Variants in TRPM3 observed in about 807,000 individuals in gnomAD.
TRPM3 encodes the protein long transient receptor potential channel 3.
TRPM3 carries 77 observed loss-of-function variants against 181.2 expected under a neutral mutation model. That is an observed-to-expected ratio of 0.42 (90% CI 0.35 to 0.51). TRPM3 has a LOEUF of 0.51. Among genes scored for constraint, TRPM3 ranks in the 20% least tolerant of loss-of-function variants. The pLI, the probability that TRPM3 is intolerant of heterozygous loss-of-function variation, is 0.01. For synonymous variants in TRPM3, 745 were observed against 796.4 expected, an observed-to-expected ratio of 0.94 and a Z score of 1.09; for missense variants, 1,759 against 2,196.7, an observed-to-expected ratio of 0.80 and a Z score of 3.98.
intron 1 of TRPM3, among the ~76,000 whole-genome samples, chr9:71,037,547 C>T (rs2058355582): frequency 6.6e-6 from 1 of 152,212 alleles, no homozygotes; most frequent in Non-Finnish European, 1.5e-5. Flanking sequence ...GTGTGCGCAT[C>T]CTTTGCCCAT....
At chr9:71,420,767 AAGAG>A (rs1191759849) in intron 1 of TRPM3, among the ~76,000 whole-genome samples, 2 of 66,454 alleles carry the variant, frequency 3.0e-5, no homozygotes, top group African/African-American at 6.0e-5. Flanking sequence ...AAGAGAGAGA[AAGAG>A]AGAGAAAGAG....
At chr9:71,386,161 T>C (rs1231301418) in intron 1 of TRPM3, among the ~76,000 whole-genome samples, 1 of 151,606 alleles carries the variant, frequency 6.6e-6, no homozygotes, top group Non-Finnish European at 1.5e-5. Flanking sequence ...CTTAAAACAG[T>C]GAATACAAGC....
intron 1 of TRPM3, among the ~76,000 whole-genome samples, chr9:71,308,393 C>G (rs1316571582): frequency 6.6e-6 from 1 of 152,066 alleles, no homozygotes; most frequent in Non-Finnish European, 1.5e-5. Context: ...GGAAGATTAA[C>G]AGGGTTGTTT....
At chr9:71,330,901 AG>A (rs1227939335) in intron 1 of TRPM3, among the ~76,000 whole-genome samples, 1 of 151,784 alleles carries the variant, frequency 6.6e-6, no homozygotes, top group Non-Finnish European at 1.5e-5. Context: ...CAGCTGATAG[AG>A]TGCTGATCTG....
At chr9:71,100,099 T>C (rs546423299) in intron 1 of TRPM3, among the ~76,000 whole-genome samples, 48 of 152,304 alleles carry the variant, frequency 3.2e-4, no homozygotes, top group African/African-American at 1.1e-3. Flanking sequence ...TATATTTCTG[T>C]TTCATCATGT....
At chr9:70,626,476 C>A (rs1459605838) in intron 12 of TRPM3, among the ~76,000 whole-genome samples, 9 of 152,112 alleles carry the variant, frequency 5.9e-5, no homozygotes, top group Non-Finnish European at 1.0e-4. Flanking sequence ...GAGATTTCTG[C>A]CACTTCACAG....
In TRPM3 at chr9:70,847,768, A is replaced by C. The variant is rs1476500240; in HGVS notation, c.463-1177T>G. Reference sequence around the variant, plus strand: ...ATTTCCCCTCTGATTATTTTTGAACACAATCAGGCCCCCACACAGGCCTTG... The same window carrying C: ...ATTTCCCCTCTGATTATTTTTGAACCCAATCAGGCCCCCACACAGGCCTTG... On this transcript the variant is annotated intron_variant, in intron 3 of 25. Coordinates refer to ENST00000677713, the MANE Select transcript of TRPM3 (RefSeq NM_001366145.2). 2.6e-5 allele frequency among the ~76,000 whole-genome samples: 4 copies of C among 152,210 alleles called. No homozygotes were observed. In the East Asian group the frequency reaches 7.7e-4, roughly 29 times the overall value.
At chr9:70,622,874 G>T (rs1015876638) in intron 14 of TRPM3, among the ~76,000 whole-genome samples, 1 of 151,690 alleles carries the variant, frequency 6.6e-6, no homozygotes, top group Non-Finnish European at 1.5e-5. Flanking sequence ...CTCTCTTTCA[G>T]CTTCTAAAAT....
At chr9:70,932,904 T>C (rs1487462902) in intron 1 of TRPM3, among the ~76,000 whole-genome samples, 1 of 152,186 alleles carries the variant, frequency 6.6e-6, no homozygotes, top group Non-Finnish European at 1.5e-5. Flanking sequence ...AGGCCATTTT[T>C]ATACTTTAGG....
chr9:70,915,771 T>G (rs1481970531), intron 1 of TRPM3, among the ~76,000 whole-genome samples: 2 of 151,448 alleles, frequency 1.3e-5, no homozygotes, highest in East Asian at 3.9e-4. Context: ...ATCTAAGAGT[T>G]ATTGGCCTTA....
chr9:70,872,025 G>A (rs987124345), intron 1 of TRPM3, among the ~76,000 whole-genome samples: 1 of 151,968 alleles, frequency 6.6e-6, no homozygotes, highest in Non-Finnish European at 1.5e-5. Context: ...GATGTCCAAA[G>A]CAGTATTTTT....
intron 3 of TRPM3, among the ~76,000 whole-genome samples, chr9:70,856,386 T>C (rs934626665): frequency 2.0e-5 from 3 of 152,240 alleles, no homozygotes; most frequent in Non-Finnish European, 4.4e-5. Context: ...GCTGCTTGGT[T>C]AGCCACAGCC....
At chr9:70,988,651 C>T (rs952613958) in intron 1 of TRPM3, among the ~76,000 whole-genome samples, 7 of 152,168 alleles carry the variant, frequency 4.6e-5, no homozygotes, top group African/African-American at 1.7e-4. Flanking sequence ...TTCCTCAAAT[C>T]AGTTGATCTT....
chr9:70,823,577 G>A (rs1280483607), intron 6 of TRPM3, among the ~76,000 whole-genome samples: 1 of 152,208 alleles, frequency 6.6e-6, no homozygotes, highest in African/African-American at 2.4e-5. Flanking sequence ...ACGTGTGCAT[G>A]CACACAAGTG....
At chr9:71,354,085 G>T (rs555874057) in intron 1 of TRPM3, among the ~76,000 whole-genome samples, 3 of 152,022 alleles carry the variant, frequency 2.0e-5, no homozygotes, top group Non-Finnish European at 4.4e-5. Flanking sequence ...TGTTATTTCC[G>T]TATGCTTTCC....
chr9:70,646,241 T>A (rs2058824177), intron 9 of TRPM3, among the ~76,000 whole-genome samples: 1 of 152,238 alleles, frequency 6.6e-6, no homozygotes, highest in Non-Finnish European at 1.5e-5. Flanking sequence ...CCCAAAGGAT[T>A]ATAAATCATT....
chr9:70,998,002 A>G (rs2097557607), intron 1 of TRPM3, among the ~76,000 whole-genome samples: 1 of 151,870 alleles, frequency 6.6e-6, no homozygotes, highest in Non-Finnish European at 1.5e-5. Context: ...AACAAGAAAT[A>G]CCTTGTCCAT....
chr9:70,667,170 T>C (rs2061961453), intron 9 of TRPM3, among the ~76,000 whole-genome samples: 1 of 152,220 alleles, frequency 6.6e-6, no homozygotes, highest in Non-Finnish European at 1.5e-5. Flanking sequence ...CTTGGTTAAC[T>C]GTTCATATTT....
intron 9 of TRPM3, among the ~76,000 whole-genome samples, chr9:70,652,872 G>A (rs149196382): frequency 8.6e-4 from 131 of 152,282 alleles, no homozygotes; most frequent in African/African-American, 3.1e-3. Context: ...GGTAGAAGCT[G>A]GGATGTAAGA....
Sources: gnomAD v4.1 joint callset for allele counts (sites outside exome capture counted in the v4.1 genomes callset) on GRCh38, gnomAD v4.1.1 for gene constraint, MANE v1.5 for transcripts, NCBI Gene and HGNC (gene_info 2026-07-23, HGNC 2026-07-21) for gene names.